PLXND1: variants seen among roughly 807,000 people sequenced by gnomAD.
PLXND1 encodes the protein plexin D1, also known as plexin-D1.
Under a neutral mutation model 197.7 loss-of-function variants are expected in PLXND1, and 54 were observed. The observed-to-expected ratio is 0.27, with a 90% confidence interval of 0.22 to 0.34. The LOEUF (loss-of-function observed/expected upper bound fraction) is 0.34, where lower values mean the gene tolerates loss of function less well. Among genes scored for constraint, PLXND1 ranks in the 10% least tolerant of loss-of-function variants. The probability of loss-of-function intolerance (pLI) is 1.00; values close to 1 mark genes in which losing one functional copy is unlikely to be tolerated. For missense variants in PLXND1, 2,127 were observed against 2,699.2 expected (o/e 0.79, Z 4.70); for synonymous variants, 1,180 against 1,161.2 (o/e 1.02, Z -0.33).
chr3:129,572,000 C>G, intron 15 of PLXND1, 156 bp from the exon 16 acceptor site: 1 of 693,382 alleles, frequency 1.4e-6, no homozygotes, highest in Non-Finnish European at 2.4e-6. Flanking sequence ...TAGTGCCCAG[C>G]TGTTTCCTTA....
intron 8 of PLXND1, among the ~76,000 whole-genome samples, chr3:129,580,316 C>T (rs947089463): frequency 2.0e-5 from 3 of 152,198 alleles, no homozygotes; most frequent in East Asian, 3.9e-4. Context: ...TGACCCTCTC[C>T]GGGCCTCCGT....
In PLXND1 at chr3:129,555,442, C is replaced by T; in HGVS notation, c.*870G>A. ...TGCCCGCTCTCTGGAACAGTCATTT[C>T]CAGTGTTGCATGGGGAGCCTCTCGG... On this transcript the variant is annotated 3_prime_UTR_variant, in exon 36 of 36. Coordinates refer to ENST00000324093, the MANE Select transcript of PLXND1 (RefSeq NM_015103.3). 1 of 670,352 alleles carries T rather than the reference C, an allele frequency of 1.5e-6. No individual in the cohort carries two copies. The highest frequency in any genetic ancestry group is 2.7e-6 in the Non-Finnish European group (1 of 376,670). 41.5% of individuals were successfully genotyped at this position (670,352 alleles called of 1,614,324 possible).
rs369631562 is a variant in PLXND1 at position 129,557,034 on chromosome 3, G to A, written c.5586+49C>T. The A allele has an allele frequency of 1.5e-5, 22 of 1,493,692 alleles. No homozygotes were observed. Among genetic ancestry groups the A allele is most frequent in the Middle Eastern group, 1.8e-4 (1 of 5,654 alleles). The allele number at this position is 1,493,692 out of a possible 1,614,324, so 92.5% of individuals were successfully genotyped here. On this transcript the variant is annotated intron_variant, in intron 34 of 35. Coordinates refer to ENST00000324093, the MANE Select transcript of PLXND1 (RefSeq NM_015103.3). The surrounding 1 kb of genome is among the most constrained non-coding windows in gnomAD (Gnocchi z 4.8). Reference sequence around the variant, plus strand: ...CATTGAGGCCCAGCCCCCGACCCCCGATCCCTCAGCTCTTCAGGCCCCCAT... The same window carrying A: ...CATTGAGGCCCAGCCCCCGACCCCCAATCCCTCAGCTCTTCAGGCCCCCAT...
chr3:129,585,851 G>C, intron 5 of PLXND1, 101 bp downstream of exon 5: 1 of 1,483,634 alleles, frequency 6.7e-7, no homozygotes, highest in East Asian at 2.3e-5. Context: ...CAGGTCCTTG[G>C]GGCACCATGG....
intron 1 of PLXND1, among the ~76,000 whole-genome samples, chr3:129,601,650 A>C (rs1321001430): frequency 6.6e-6 from 1 of 152,126 alleles, no homozygotes; most frequent in Non-Finnish European, 1.5e-5. Flanking sequence ...TTCTCCCCAG[A>C]CCAAACTCAT....
At chr3:129,585,398 G>A (rs535361235) in intron 5 of PLXND1, among the ~76,000 whole-genome samples, 11 of 152,166 alleles carry the variant, frequency 7.2e-5, no homozygotes, top group African/African-American at 2.7e-4. Flanking sequence ...ATCCCCCACC[G>A]CCAAGGCTGC....
chr3:129,597,635 C>T (rs1179800257), intron 1 of PLXND1, among the ~76,000 whole-genome samples: 6 of 152,222 alleles, frequency 3.9e-5, no homozygotes, highest in East Asian at 1.9e-4. Flanking sequence ...GTGGACTAGG[C>T]GGGGAGGGCC....
At chr3:129,586,365 T>C in intron 3 of PLXND1, 93 bp from the exon 4 acceptor site, 3 of 1,106,646 alleles carry the variant, frequency 2.7e-6, no homozygotes, top group South Asian at 2.9e-5. Flanking sequence ...CATGAGAGGC[T>C]GGGGAAACTG....
chr3:129,572,483 C>T (rs2085248353), intron 15 of PLXND1, 126 bp downstream of exon 15: 5 of 784,280 alleles, frequency 6.4e-6, no homozygotes, highest in Non-Finnish European at 9.7e-6. Context: ...AGGGGCTTGG[C>T]TTAGGGGACA....
At chr3:129,582,735 G>A (rs1366244259) in intron 8 of PLXND1, among the ~76,000 whole-genome samples, 5 of 152,336 alleles carry the variant, frequency 3.3e-5, no homozygotes, top group Non-Finnish European at 1.5e-5. Flanking sequence ...AACCAGGGGC[G>A]AGGTATGTGG....
At chr3:129,598,181 C>T (rs937979979) in intron 1 of PLXND1, among the ~76,000 whole-genome samples, 1 of 152,230 alleles carries the variant, frequency 6.6e-6, no homozygotes, top group African/African-American at 2.4e-5. Context: ...CACATTCCAA[C>T]ATCTCTGAGC....
intron 20 of PLXND1, 103 bp from the exon 21 acceptor site, chr3:129,567,908 T>C (rs1378646096): frequency 2.6e-6 from 1 of 385,780 alleles, no homozygotes; most frequent in South Asian, 2.2e-5. Context: ...CTGGGCAGGG[T>C]GTGGGAGGAG....
intron 32 of PLXND1, 51 bp downstream of exon 32, chr3:129,559,569 A>C: frequency 6.8e-7 from 1 of 1,474,632 alleles, no homozygotes; most frequent in Non-Finnish European, 9.1e-7. Flanking sequence ...ACCCCCTGCC[A>C]CAGGGGCCCC....
intron 1 of PLXND1, among the ~76,000 whole-genome samples, chr3:129,594,976 T>C (rs1303361449): frequency 2.6e-5 from 4 of 152,032 alleles, no homozygotes; most frequent in Non-Finnish European, 4.4e-5. Context: ...TCCTGGGCCC[T>C]TGAAGCCCCA....
At chr3:129,578,271 C>A in intron 9 of PLXND1, 58 bp downstream of exon 9, 1 of 1,079,154 alleles carries the variant, frequency 9.3e-7, no homozygotes, top group Non-Finnish European at 1.4e-6. Context: ...AGTTAGTGGC[C>A]TGCGTGCTCC....
intron 30 of PLXND1, 41 bp downstream of exon 30, chr3:129,560,648 C>A: frequency 6.6e-7 from 1 of 1,506,122 alleles, no homozygotes; most frequent in South Asian, 1.1e-5. Context: ...GCCACACCCA[C>A]TGAGGGGCTG....
Position 129,565,458 on chromosome 3 carries a change from A to T in PLXND1, c.4403T>A (p.Val1468Glu), listed in dbSNP as rs1165806692. The change falls in exon 25 of 36, where the codon GTG (valine) becomes GAG (glutamate). Residue 1468 changes from valine (V) to glutamate (E), a missense_variant. Physicochemically the swap from Val to Glu is moderately radical, Grantham distance 121. Coordinates refer to ENST00000324093, the MANE Select transcript of PLXND1 (RefSeq NM_015103.3). ...YYTSIMKELL[V>E]DLIDASAAKN... ...GGCGGCCGAGGCGTCAATGAGGTCC[A>T]CCAGCAGCTCCTTCATGATGCTGGT... 5.6e-6 allele frequency: 9 copies of T among 1,613,900 alleles called. No individual in the cohort carries two copies. The highest frequency in any genetic ancestry group is 7.6e-6 in the Non-Finnish European group (9 of 1,180,004).
At position 129,557,159 on chromosome 3, in the gene PLXND1, C is replaced by T. The variant is rs147446993; in HGVS notation, c.5510G>A (p.Arg1837His). Residue 1837 changes from arginine to histidine, a missense_variant, in exon 34 of 36, where the codon CGC becomes CAC. By Grantham distance (29) the Arg-to-His change is conservative. Around this residue, in one of 6 missense-constraint regions of PLXND1, gnomAD observed 200 missense variants for 303.3 expected, o/e 0.66. Coordinates refer to ENST00000324093, the MANE Select transcript of PLXND1 (RefSeq NM_015103.3). This position sits in a 1 kb window ranked among gnomAD's most constrained non-coding sequence, Gnocchi z 4.8. ...CATGTCCTGGATCTGCTTGTAGTAG[C>T]GCTGCACGATCTTCCGGTACTCAGG... ...EIPEYRKIVQ[R>H]YYKQIQDMTP... The T allele has an allele frequency of 1.1e-5, 18 of 1,614,078 alleles. No homozygotes were observed. In the East Asian group the frequency reaches 2.5e-4, roughly 22 times the overall value.
In PLXND1 at chr3:129,555,656, C is replaced by T; in HGVS notation, c.*656G>A. ...CTCCTTTTCCTGGAGACGGGGCTCC[C>T]AGCTCCTGTGCCCCCCATCCCTCCC... On this transcript the variant is annotated 3_prime_UTR_variant, in exon 36 of 36. Coordinates refer to ENST00000324093, the MANE Select transcript of PLXND1 (RefSeq NM_015103.3). 1.8e-6 allele frequency: 1 copy of T among 547,188 alleles called. No individual in the cohort carries two copies. The highest frequency in any genetic ancestry group is 2.4e-5 in the South Asian group (1 of 41,540). The allele number at this position is 547,188 out of a possible 1,614,324, so 33.9% of individuals were successfully genotyped here. A position where few individuals can be genotyped will look rare whatever the true frequency, so the allele number is the denominator to read the frequency against.
Sources: gnomAD v4.1 joint callset for allele counts (sites outside exome capture counted in the v4.1 genomes callset) on GRCh38, gnomAD v4.1.1 for gene constraint, gnomAD v4.1.1 regional missense constraint, Gnocchi (gnomAD v3.1) non-coding constraint, MANE v1.5 for transcripts, NCBI Gene and HGNC (gene_info 2026-07-23, HGNC 2026-07-21) for gene names.